Variants in PTPRO observed in about 807,000 individuals in gnomAD.
PTPRO encodes the protein receptor-type tyrosine-protein phosphatase O.
A neutral mutation model predicts 145.2 loss-of-function variants in PTPRO; 62 were observed. The ratio of observed to expected loss-of-function variants is 0.43; its 90% CI spans 0.35 to 0.53. The LOEUF is 0.53. Among genes scored for constraint, PTPRO ranks in the 20% least tolerant of loss-of-function variants. PTPRO has a pLI of 0.01. For missense variants in PTPRO, 1,345 were observed against 1,482.7 expected (o/e 0.91, Z 1.53); for synonymous variants, 565 against 514.7 (o/e 1.10, Z -1.32).
In PTPRO at chr12:15,524,863, A is replaced by T; in HGVS notation, c.1941A>T (p.Leu647Phe). The change falls in exon 11 of 27, where the codon TTA (leucine) becomes TTT (phenylalanine). Residue 647 changes from leucine (L) to phenylalanine (F), a missense_variant. Physicochemically the swap from Leu to Phe is conservative, Grantham distance 22. Transcript: ENST00000281171. Reference sequence around the variant, plus strand: ...CTGTGGAATATTTCAACAGTCTGTTATATATCAGTTGGACATATGGGGATG... The same window carrying T: ...CTGTGGAATATTTCAACAGTCTGTTTTATATCAGTTGGACATATGGGGATG... The part of the protein sequence containing the change: ...ITSVEYFNSL[L>F]YISWTYGDDT... 6.2e-7 allele frequency: 1 copy of T among 1,613,466 alleles called. No homozygotes were observed. Among genetic ancestry groups the T allele is most frequent in the Non-Finnish European group, 8.5e-7 (1 of 1,179,394 alleles).
rs2136470026 is a variant in PTPRO at position 15,501,782 on chromosome 12, C to T, written c.824C>T (p.Pro275Leu). The stretch of plus-strand genomic sequence containing the variant: ...TTTACAGAAGAAACCCCTGAAATTC[C>T]CTCGGGCAACATTTCTTCCGGTTGG... ...FHFTEETPEI[P>L]SGNISSGWPD... The change falls in exon 5 of 27, where the codon CCC becomes CTC. Residue 275 changes from proline (P) to leucine (L), a missense_variant. Physicochemically the swap from Pro to Leu is moderately conservative, Grantham distance 98. Around this residue, in one of 3 missense-constraint regions of PTPRO, gnomAD observed 1,130 missense variants for 1,214.7 expected, o/e 0.93. Transcript: ENST00000281171. 6.2e-7 allele frequency: 1 copy of T among 1,614,056 alleles called. No homozygotes were observed. Among genetic ancestry groups the T allele is most frequent in the Non-Finnish European group, 8.5e-7 (1 of 1,179,998 alleles).
At chr12:15,388,381 G>GT (rs372648593) in intron 1 of PTPRO, among the ~76,000 whole-genome samples, 2 of 152,142 alleles carry the variant, frequency 1.3e-5, no homozygotes, top group Non-Finnish European at 2.9e-5. Context: ...GTACAATTCT[G>GT]TTTTTTTAAT....
At chr12:15,421,556 C>A (rs1437105472) in intron 1 of PTPRO, among the ~76,000 whole-genome samples, 1 of 152,188 alleles carries the variant, frequency 6.6e-6, no homozygotes, top group Non-Finnish European at 1.5e-5. Context: ...GAAACCTATG[C>A]ATAGCCAAGT....
chr12:15,568,116 G>A (rs1353588254), intron 18 of PTPRO, among the ~76,000 whole-genome samples: 1 of 152,184 alleles, frequency 6.6e-6, no homozygotes, highest in South Asian at 2.1e-4. Flanking sequence ...TAAATACTAT[G>A]TATTTTCTAA....
intron 6 of PTPRO, among the ~76,000 whole-genome samples, chr12:15,504,491 G>C (rs1388420426): frequency 1.3e-5 from 2 of 152,096 alleles, no homozygotes; most frequent in Non-Finnish European, 2.9e-5. Context: ...TTCAAGTGTG[G>C]GTACACCCCG....
chr12:15,355,927 T>TCTAA (rs1239150750), intron 1 of PTPRO, among the ~76,000 whole-genome samples: 1 of 152,218 alleles, frequency 6.6e-6, no homozygotes, highest in African/African-American at 2.4e-5. Context: ...TCACAGTTAA[T>TCTAA]CTAACTGCAG....
At chr12:15,576,849 T>C (rs571904298) in intron 19 of PTPRO, among the ~76,000 whole-genome samples, 4 of 152,262 alleles carry the variant, frequency 2.6e-5, no homozygotes, top group African/African-American at 9.6e-5. Flanking sequence ...CATGTCAGAA[T>C]ATGTGAGATA....
At chr12:15,422,816 A>G (rs1016500700) in intron 1 of PTPRO, among the ~76,000 whole-genome samples, 11 of 152,220 alleles carry the variant, frequency 7.2e-5, no homozygotes, top group Admixed American at 2.6e-4. Context: ...TATCAAAGGA[A>G]GCACAAAGCA....
intron 2 of PTPRO, among the ~76,000 whole-genome samples, chr12:15,491,514 A>G (rs1024832786): frequency 6.6e-6 from 1 of 152,192 alleles, no homozygotes; most frequent in African/African-American, 2.4e-5. Context: ...AAGATAATTA[A>G]GGGGCATAAA....
intron 12 of PTPRO, among the ~76,000 whole-genome samples, chr12:15,530,109 T>C (rs1942930742): frequency 6.6e-6 from 1 of 152,116 alleles, no homozygotes; most frequent in Non-Finnish European, 1.5e-5. Flanking sequence ...ACCACAAATC[T>C]AGAATTGTAA....
At position 15,568,844 on chromosome 12, in the gene PTPRO, AT is replaced by A. The variant is rs1217916055; in HGVS notation, c.2748-572del. Among the ~76,000 whole-genome samples the A allele has an allele frequency of 3.3e-5, 5 of 152,320 alleles. No individual in the cohort carries two copies. The East Asian group carries it at 9.7e-4, about 29-fold the overall frequency. The stretch of plus-strand genomic sequence containing the variant: ...TGGGAGCTTTCTGGACAAAAGTTTC[AT>A]CCCACTGATCCTGCCTCTGCTTTGG... On this transcript the variant is annotated intron_variant, in intron 18 of 26. Transcript: ENST00000281171.
chr12:15,392,169 TA>T (rs1263288386), intron 1 of PTPRO, among the ~76,000 whole-genome samples: 5 of 152,124 alleles, frequency 3.3e-5, no homozygotes, highest in African/African-American at 4.8e-5. Flanking sequence ...ACCATACAAA[TA>T]TATGTATCAG....
At chr12:15,453,473 A>C (rs911617832) in intron 1 of PTPRO, among the ~76,000 whole-genome samples, 2 of 152,228 alleles carry the variant, frequency 1.3e-5, no homozygotes, top group African/African-American at 2.4e-5. Context: ...TGCTTGTGAC[A>C]AACACAGAAG....
At chr12:15,498,117 A>G (rs1942146100) in intron 3 of PTPRO, among the ~76,000 whole-genome samples, 1 of 152,152 alleles carries the variant, frequency 6.6e-6, no homozygotes. Flanking sequence ...GAGTTGGCTG[A>G]CTGTAACTGG....
At chr12:15,411,838 A>C (rs1939809497) in intron 1 of PTPRO, among the ~76,000 whole-genome samples, 1 of 152,240 alleles carries the variant, frequency 6.6e-6, no homozygotes, top group African/African-American at 2.4e-5. Flanking sequence ...GCATCATTTC[A>C]CTTGACTTAG....
intron 1 of PTPRO, among the ~76,000 whole-genome samples, chr12:15,331,962 C>CTTTTTTTTTTT (rs200334215): frequency 4.7e-4 from 56 of 118,250 alleles, no homozygotes; most frequent in Non-Finnish European, 7.2e-4. Context: ...CTCTTTCTTT[C>CTTTTTTTTTTT]TTTTTTTTTT....
At chr12:15,456,760 A>G (rs1324371861) in intron 1 of PTPRO, among the ~76,000 whole-genome samples, 2 of 152,136 alleles carry the variant, frequency 1.3e-5, no homozygotes, top group Non-Finnish European at 2.9e-5. Flanking sequence ...ATAATTGTTC[A>G]TAGTAGCCTC....
intron 1 of PTPRO, among the ~76,000 whole-genome samples, chr12:15,347,414 T>A (rs1489398326): frequency 6.6e-6 from 1 of 152,218 alleles, no homozygotes; most frequent in Non-Finnish European, 1.5e-5. Flanking sequence ...ATAAATATGA[T>A]CTCCTTAAAG....
At chr12:15,538,519 G>A (rs960089729) in intron 12 of PTPRO, among the ~76,000 whole-genome samples, 7 of 152,110 alleles carry the variant, frequency 4.6e-5, no homozygotes, top group East Asian at 3.9e-4. Flanking sequence ...CACCGCGCCC[G>A]GCCCACTTTA....
Sources: gnomAD v4.1 joint callset for allele counts (sites outside exome capture counted in the v4.1 genomes callset) on GRCh38, gnomAD v4.1.1 for gene constraint, gnomAD v4.1.1 regional missense constraint, MANE v1.5 for transcripts, NCBI Gene and HGNC (gene_info 2026-07-23, HGNC 2026-07-21) for gene names.